Variants in TRABD2B observed in about 807,000 individuals in gnomAD.
TRABD2B encodes TraB domain containing 2B.
A neutral mutation model predicts 40.1 loss-of-function variants in TRABD2B; 14 were observed. The observed-to-expected ratio is 0.35, with a 90% CI of 0.23 to 0.55. TRABD2B has a LOEUF of 0.55. TRABD2B is among the 20% of genes least tolerant of loss of function. The probability of loss-of-function intolerance (pLI) is 0.90; values close to 1 mark genes in which losing one functional copy is unlikely to be tolerated. For synonymous variants in TRABD2B, 263 were observed against 277.0 expected (o/e 0.95, Z 0.50); for missense variants, 541 against 648.6 (o/e 0.83, Z 1.80).
chr1:47,970,515 C>G (rs1459072647), intron 2 of TRABD2B, among the ~76,000 whole-genome samples: 1 of 152,230 alleles, frequency 6.6e-6, no homozygotes, highest in Non-Finnish European at 1.5e-5. Context: ...TCCCTCTTTC[C>G]CTCCATGACA....
intron 2 of TRABD2B, among the ~76,000 whole-genome samples, chr1:47,952,735 G>A (rs1051347241): frequency 6.6e-6 from 1 of 152,166 alleles, no homozygotes; most frequent in Admixed American, 6.5e-5. Flanking sequence ...CAGGGCTCCT[G>A]TGACCCAGGC....
At position 47,937,642 on chromosome 1, in the gene TRABD2B, G is replaced by A. The variant is rs377316996; in HGVS notation, c.666+56392C>T. ...TTTCTACCATTCACAGAATTTTTAGGAAAAAAAAAAACAAGCTTCCTGTCA... is the reference window on the plus strand; with the variant it reads ...TTTCTACCATTCACAGAATTTTTAGAAAAAAAAAAAACAAGCTTCCTGTCA... On this transcript the variant is annotated intron_variant, in intron 2 of 6. Transcript: ENST00000606738. 1.7e-3 allele frequency among the ~76,000 whole-genome samples: 244 copies of A among 147,094 alleles called. 2 individuals carry two copies. Among genetic ancestry groups the A allele is most frequent in the Admixed American group, 7.2e-3 (106 of 14,796 alleles).
chr1:47,772,057 G>C (rs1644384449), intron 6 of TRABD2B, among the ~76,000 whole-genome samples: 1 of 151,950 alleles, frequency 6.6e-6, no homozygotes, highest in South Asian at 2.1e-4. Context: ...GGCACTGCGT[G>C]GAGGAAGGGA....
rs563306067 is a variant in TRABD2B at position 47,935,668 on chromosome 1, CT to C, written c.666+58365del. On this transcript the variant is annotated intron_variant, in intron 2 of 6. Coordinates refer to ENST00000606738, the MANE Select transcript of TRABD2B (RefSeq NM_001194986.2). The stretch of plus-strand genomic sequence containing the variant: ...GCAGGAAAAAAACACTATATCTCAA[CT>C]GGGACTGAAAAGTCCTGAATTTTCT... Among the ~76,000 whole-genome samples the C allele has an allele frequency of 3.9e-5, 6 of 152,366 alleles. No homozygotes were observed. The South Asian group carries it at 1.2e-3, about 32-fold the overall frequency.
chr1:47,880,134 AC>A (rs1644282099), intron 2 of TRABD2B, among the ~76,000 whole-genome samples: 1 of 152,070 alleles, frequency 6.6e-6, no homozygotes, highest in African/African-American at 2.4e-5. Context: ...ATGTGGTGAA[AC>A]CCATCTCTAC....
chr1:47,803,454 T>C (rs1569986250), intron 2 of TRABD2B, among the ~76,000 whole-genome samples: 1 of 152,044 alleles, frequency 6.6e-6, no homozygotes, highest in Admixed American at 6.6e-5. Context: ...GAGAGACATG[T>C]GGCGCAGAGC....
intron 6 of TRABD2B, among the ~76,000 whole-genome samples, chr1:47,774,018 A>T (rs1644410326): frequency 6.6e-6 from 1 of 152,126 alleles, no homozygotes; most frequent in Non-Finnish European, 1.5e-5. Flanking sequence ...CCCTGGTCAA[A>T]CCCTCTCCGA....
chr1:47,933,510 C>T (rs924856151), intron 2 of TRABD2B, among the ~76,000 whole-genome samples: 1 of 152,168 alleles, frequency 6.6e-6, no homozygotes, highest in African/African-American at 2.4e-5. Context: ...TGCTGTTACT[C>T]AGCTTTATAT....
At position 47,813,079 on chromosome 1, in the gene TRABD2B, G is replaced by C. The variant is rs941285312; in HGVS notation, c.667-11460C>G. ...AAGCAGCTGCTTCCATTGGTTCGAG[G>C]CATGTCATTTTTATTTTCCCTGCTG... On this transcript the variant is annotated intron_variant, in intron 2 of 6. Coordinates refer to ENST00000606738, the MANE Select transcript of TRABD2B (RefSeq NM_001194986.2). This position sits in a 1 kb window ranked among gnomAD's most constrained non-coding sequence, Gnocchi z 4.3. 3.3e-5 allele frequency among the ~76,000 whole-genome samples: 5 copies of C among 152,162 alleles called. No homozygotes were observed. Among genetic ancestry groups the C allele is most frequent in the African/African-American group, 1.2e-4 (5 of 41,438 alleles).
intron 2 of TRABD2B, among the ~76,000 whole-genome samples, chr1:47,810,360 A>G (rs1220538908): frequency 6.6e-6 from 1 of 151,280 alleles, no homozygotes; most frequent in Admixed American, 6.6e-5. Flanking sequence ...TCGTGCCATC[A>G]CCCCCTGCCC....
intron 2 of TRABD2B, among the ~76,000 whole-genome samples, chr1:47,927,662 T>C (rs1246491102): frequency 2.6e-5 from 4 of 152,222 alleles, no homozygotes; most frequent in African/African-American, 9.6e-5. Context: ...CCATCCATTA[T>C]GGGAGGTGCC....
chr1:47,927,923 G>A (rs1436602045), intron 2 of TRABD2B, among the ~76,000 whole-genome samples: 1 of 152,212 alleles, frequency 6.6e-6, no homozygotes, highest in Non-Finnish European at 1.5e-5. Context: ...CCTTGGAGAG[G>A]GTTAAGCCCT....
intron 2 of TRABD2B, among the ~76,000 whole-genome samples, chr1:47,832,131 G>A (rs1645258333): frequency 6.6e-6 from 1 of 152,190 alleles, no homozygotes; most frequent in Non-Finnish European, 1.5e-5. Flanking sequence ...AGGAGATCGA[G>A]ACCATCTTGG....
At chr1:47,992,324 G>C (rs1377008393) in intron 2 of TRABD2B, among the ~76,000 whole-genome samples, 2 of 152,156 alleles carry the variant, frequency 1.3e-5, no homozygotes, top group Non-Finnish European at 2.9e-5. Flanking sequence ...ACACTTTCCA[G>C]CAAATGTTTT....
intron 2 of TRABD2B, among the ~76,000 whole-genome samples, chr1:47,866,755 G>T (rs1378192034): frequency 6.6e-6 from 1 of 152,114 alleles, no homozygotes; most frequent in Non-Finnish European, 1.5e-5. Context: ...CAATGGTTGT[G>T]CTCCCCCTTG....
intron 2 of TRABD2B, among the ~76,000 whole-genome samples, chr1:47,877,814 G>A (rs572981646): frequency 4.6e-5 from 7 of 152,164 alleles, no homozygotes; most frequent in African/African-American, 1.7e-4. Flanking sequence ...CTAACATGTT[G>A]AAACCCTGTC....
intron 4 of TRABD2B, among the ~76,000 whole-genome samples, chr1:47,785,948 G>A (rs1389418818): frequency 1.3e-5 from 2 of 152,210 alleles, no homozygotes; most frequent in Non-Finnish European, 2.9e-5. Flanking sequence ...CATCCTCAGA[G>A]GCCACCAAGC....
chr1:47,974,772 G>A (rs1175520191), intron 2 of TRABD2B, among the ~76,000 whole-genome samples: 1 of 152,176 alleles, frequency 6.6e-6, no homozygotes, highest in Non-Finnish European at 1.5e-5. Context: ...GGAAAAAAGG[G>A]TACCTCTATA....
intron 2 of TRABD2B, among the ~76,000 whole-genome samples, chr1:47,966,330 T>G (rs913807431): frequency 6.6e-6 from 1 of 152,188 alleles, no homozygotes; most frequent in Non-Finnish European, 1.5e-5. Context: ...GGCTCTTGAC[T>G]TGCCCAGCTG....
Sources: gnomAD v4.1 joint callset for allele counts (sites outside exome capture counted in the v4.1 genomes callset) on GRCh38, gnomAD v4.1.1 for gene constraint, Gnocchi (gnomAD v3.1) non-coding constraint, MANE v1.5 for transcripts, NCBI Gene and HGNC (gene_info 2026-07-23, HGNC 2026-07-21) for gene names.